The following ADGRA3 variants were observed in gnomAD, a reference collection of about 807,000 sequenced individuals.
The protein encoded by ADGRA3 is G-protein coupled receptor 125.
Under a neutral mutation model 119.8 loss-of-function variants are expected in ADGRA3, and 56 were observed. The observed-to-expected ratio is 0.47, with a 90% confidence interval of 0.38 to 0.58. ADGRA3 has a LOEUF of 0.58. ADGRA3 is among the 20% of genes least tolerant of loss of function. ADGRA3 has a pLI of 0.00. For missense variants in ADGRA3, 1,516 were observed against 1,649.0 expected (o/e 0.92, Z 1.40); for synonymous variants, 607 against 623.8 (o/e 0.97, Z 0.40).
chr4:22,444,946 C>A (rs764607352), intron 6 of ADGRA3, 27 bp downstream of exon 6: 3 of 1,610,204 alleles, frequency 1.9e-6, no homozygotes, highest in Non-Finnish European at 1.7e-6. Context: ...ATGGTAAATG[C>A]TTTCTCAGTT....
intron 14 of ADGRA3, among the ~76,000 whole-genome samples, chr4:22,408,493 G>T (rs1245818349): frequency 6.6e-6 from 1 of 152,092 alleles, no homozygotes; most frequent in Non-Finnish European, 1.5e-5. Flanking sequence ...GACTTGAGCA[G>T]GAACGTCAGG....
chr4:22,403,609 T>G (rs1714764019), intron 14 of ADGRA3, among the ~76,000 whole-genome samples: 1 of 151,904 alleles, frequency 6.6e-6, no homozygotes, highest in Non-Finnish European at 1.5e-5. Flanking sequence ...GGCCTGGTGG[T>G]GTGCGCCTGT....
intron 12 of ADGRA3, 183 bp from the exon 13 acceptor site, chr4:22,413,997 G>A: frequency 2.1e-6 from 1 of 469,036 alleles, no homozygotes; most frequent in Non-Finnish European, 3.7e-6. Context: ...ACATAACATA[G>A]ATTAAAAGAA....
intron 1 of ADGRA3, among the ~76,000 whole-genome samples, chr4:22,489,935 A>G (rs1718566189): frequency 6.6e-6 from 1 of 152,216 alleles, no homozygotes; most frequent in Non-Finnish European, 1.5e-5. Flanking sequence ...GTTGCCATTA[A>G]TAATTACACT....
chr4:22,472,865 A>G (rs1237091963), intron 2 of ADGRA3, among the ~76,000 whole-genome samples: 2 of 152,148 alleles, frequency 1.3e-5, no homozygotes, highest in African/African-American at 4.8e-5. Flanking sequence ...TGTATTGTGA[A>G]ATTTTATCCT....
At chr4:22,472,791 G>A (rs192680928) in intron 2 of ADGRA3, among the ~76,000 whole-genome samples, 1 of 152,242 alleles carries the variant, frequency 6.6e-6, no homozygotes, top group Non-Finnish European at 1.5e-5. Context: ...AAAGAGAATT[G>A]AGAAAAATGA....
At chr4:22,469,910 A>C (rs1184636624) in intron 2 of ADGRA3, among the ~76,000 whole-genome samples, 1 of 152,046 alleles carries the variant, frequency 6.6e-6, no homozygotes, top group Non-Finnish European at 1.5e-5. Context: ...GCACTCCCAA[A>C]CTTGGTATCC....
chr4:22,443,822 T>C (rs1464916754), intron 6 of ADGRA3, among the ~76,000 whole-genome samples: 1 of 152,206 alleles, frequency 6.6e-6, no homozygotes, highest in Admixed American at 6.5e-5. Context: ...ACATGGTCTT[T>C]GTTTCTCTGC....
At chr4:22,480,337 T>G (rs1431294104) in intron 1 of ADGRA3, among the ~76,000 whole-genome samples, 2 of 152,060 alleles carry the variant, frequency 1.3e-5, no homozygotes, top group Non-Finnish European at 2.9e-5. Flanking sequence ...GATCACACAT[T>G]TTATATTCTG....
At chr4:22,464,486 C>T (rs1717582174) in intron 2 of ADGRA3, among the ~76,000 whole-genome samples, 1 of 152,112 alleles carries the variant, frequency 6.6e-6, no homozygotes, top group South Asian at 2.1e-4. Flanking sequence ...AAAGACGGTC[C>T]CTGGTGTAGC....
intron 1 of ADGRA3, among the ~76,000 whole-genome samples, chr4:22,474,457 C>G (rs1278472004): frequency 6.6e-6 from 1 of 152,130 alleles, no homozygotes; most frequent in African/African-American, 2.4e-5. Flanking sequence ...AAAACTGACT[C>G]AAAGAAGTCA....
intron 14 of ADGRA3, among the ~76,000 whole-genome samples, chr4:22,406,987 T>C (rs540669010): frequency 6.6e-6 from 1 of 152,174 alleles, no homozygotes; most frequent in East Asian, 1.9e-4. Flanking sequence ...CAAAAGAATA[T>C]AAGGCCGGGC....
At chr4:22,498,102 G>T (rs10938904) in intron 1 of ADGRA3, among the ~76,000 whole-genome samples, 1 of 151,490 alleles carries the variant, frequency 6.6e-6, no homozygotes, top group Non-Finnish European at 1.5e-5. Context: ...TTAGCCGGGC[G>T]TGCTGGCAGG....
At chr4:22,452,977 T>A (rs1486733063) in intron 4 of ADGRA3, among the ~76,000 whole-genome samples, 10 of 151,234 alleles carry the variant, frequency 6.6e-5, no homozygotes. Context: ...GTTGAGTGGA[T>A]CACGAGGTCA....
chr4:22,393,028 C>CT (rs1162697142), intron 16 of ADGRA3: 6,102 of 138,758 alleles, frequency 0.044, 292 homozygotes, highest in African/African-American at 0.12. Flanking sequence ...AGTTCATTTT[C>CT]TTTTTTTTTT....
intron 14 of ADGRA3, among the ~76,000 whole-genome samples, chr4:22,409,865 C>G (rs1029751130): frequency 1.3e-5 from 2 of 152,152 alleles, no homozygotes; most frequent in Non-Finnish European, 2.9e-5. Flanking sequence ...GAGAAACAAA[C>G]AGTAGTTACT....
intron 1 of ADGRA3, among the ~76,000 whole-genome samples, chr4:22,481,083 T>C (rs1211541715): frequency 2.0e-5 from 3 of 152,158 alleles, no homozygotes; most frequent in Non-Finnish European, 4.4e-5. Context: ...TGATTTGCCA[T>C]TTTACAAATT....
intron 14 of ADGRA3, among the ~76,000 whole-genome samples, chr4:22,408,592 A>G (rs953595845): frequency 6.6e-6 from 1 of 152,196 alleles, no homozygotes; most frequent in Admixed American, 6.5e-5. Context: ...AACTAGAATG[A>G]TACATCACAA....
chr4:22,455,715 C>T (rs1717212890), intron 3 of ADGRA3: 1 of 726,450 alleles, frequency 1.4e-6, no homozygotes, highest in Non-Finnish European at 2.0e-6. Context: ...ACAATGAACA[C>T]AATTTTATTT....
Sources: gnomAD v4.1 joint callset for allele counts (sites outside exome capture counted in the v4.1 genomes callset) on GRCh38, gnomAD v4.1.1 for gene constraint, MANE v1.5 for transcripts, NCBI Gene and HGNC (gene_info 2026-07-23, HGNC 2026-07-21) for gene names.